The following SCAF4 variants were observed in gnomAD, a reference collection of about 807,000 sequenced individuals.
SCAF4 encodes SR-related CTD associated factor 4.
Under a neutral mutation model 129.8 loss-of-function variants are expected in SCAF4, and 25 were observed. The ratio of observed to expected loss-of-function variants is 0.19; its 90% CI spans 0.14 to 0.27. The LOEUF (loss-of-function observed/expected upper bound fraction) is 0.27. Ranked by LOEUF, SCAF4 falls within the 10% of genes least tolerant of loss-of-function variation. The pLI, the probability that SCAF4 is intolerant of heterozygous loss-of-function variation, is 1.00. For synonymous variants in SCAF4, 551 were observed against 497.7 expected, an observed-to-expected ratio of 1.11 and a Z score of -1.43; for missense variants, 1,246 against 1,457.1, an observed-to-expected ratio of 0.86 and a Z score of 2.36.
chr21:31,701,666 A>G (rs2050535194), intron 6 of SCAF4, 110 bp downstream of exon 6: 3 of 1,174,330 alleles, frequency 2.6e-6, no homozygotes, highest in Non-Finnish European at 1.2e-6. Flanking sequence ...CTAGTTGAAA[A>G]GCAGACGTAT....
rs748050902 is a variant in SCAF4, at chr21:31,694,261, T to C, written c.1265A>G (p.Gln422Arg). The change falls in exon 11 of 20, where the codon CAA becomes CGA. Residue 422 changes from glutamine (Q) to arginine (R), a missense_variant. By Grantham distance (43) the Gln-to-Arg change is conservative. Transcript: ENST00000286835. ...ATCAGACATATGTCGCTTAACCTCT[T>C]GAATACAAGGTTGTTCTACTTCCAT... ...QEMEVEQPCI[Q>R]EVKRHMSDNR... 1.2e-6 allele frequency: 2 copies of C among 1,607,526 alleles called. No individual in the cohort carries two copies. Among genetic ancestry groups the C allele is most frequent in the East Asian group, 2.2e-5 (1 of 44,726 alleles).
chr21:31,726,127 G>A (rs539190665), intron 1 of SCAF4, among the ~76,000 whole-genome samples: 2 of 151,336 alleles, frequency 1.3e-5, no homozygotes, highest in African/African-American at 4.9e-5. Context: ...CTCACTGCAA[G>A]CTCCGCCTCC....
At chr21:31,676,493 G>C (rs190751173) in intron 19 of SCAF4, among the ~76,000 whole-genome samples, 60 of 152,190 alleles carry the variant, frequency 3.9e-4, no homozygotes, top group Admixed American at 3.0e-3. Flanking sequence ...CAACTCTTCT[G>C]CCTAATCTCC....
chr21:31,706,547 C>T (rs2050668297), intron 1 of SCAF4, 190 bp from the exon 2 acceptor site: 6 of 556,620 alleles, frequency 1.1e-5, no homozygotes, highest in East Asian at 3.1e-5. Flanking sequence ...TCCCCACTGC[C>T]GTGATACCCA....
rs1165369054 is a variant in SCAF4, at chr21:31,717,870, C to CATAT, written c.31-11517_31-11514dup. Among the ~76,000 whole-genome samples the CATAT allele has an allele frequency of 4.3e-3, 537 of 124,810 alleles. 19 individuals are homozygous for CATAT. Among genetic ancestry groups the CATAT allele is most frequent in the African/African-American group, 0.017 (483 of 28,834 alleles). The allele number at this position is 124,810 out of a possible 152,430, so 81.9% of individuals were successfully genotyped here. A position where few individuals can be genotyped will look rare whatever the true frequency, so the allele number is the denominator to read the frequency against. On this transcript the variant is annotated intron_variant, in intron 1 of 19. Coordinates refer to ENST00000286835, the MANE Select transcript of SCAF4 (RefSeq NM_020706.2). ...ACACACACACACACACACACACACACATATACACATATATACACATATATA... is the reference window on the plus strand; with the variant it reads ...ACACACACACACACACACACACACACATATATATACACATATATACACATATATA...
Position 31,685,413 on chromosome 21 carries a change from TTGG to T in SCAF4, c.2278_2280del (p.Pro760del), listed in dbSNP as rs759777965. 3.1e-6 allele frequency: 5 copies of T among 1,611,842 alleles called. No individual in the cohort carries two copies. The Admixed American group carries it at 5.0e-5, about 16-fold the overall frequency. The stretch of plus-strand genomic sequence containing the variant: ...ACATGCTTACAGTTTGGGATGCTTA[TTGG>T]TGGAGTGTGAGGAGGAGGAATGGAT... On this transcript the variant is annotated inframe_deletion, in exon 18 of 20. Coordinates refer to ENST00000286835, the MANE Select transcript of SCAF4 (RefSeq NM_020706.2).
At chr21:31,706,878 C>A (rs377101066) in intron 1 of SCAF4, 1 of 305,744 alleles carries the variant, frequency 3.3e-6, no homozygotes, top group Non-Finnish European at 6.3e-6. Context: ...CAGTACATAC[C>A]ATGTCTTATC....
At chr21:31,688,205 T>C in intron 16 of SCAF4, 102 bp downstream of exon 16, 1 of 990,700 alleles carries the variant, frequency 1.0e-6, no homozygotes, top group Non-Finnish European at 1.5e-6. Context: ...CACATATATG[T>C]ACTCATGTTT....
intron 1 of SCAF4, 162 bp from the exon 2 acceptor site, chr21:31,706,519 G>C (rs920643062): frequency 8.3e-6 from 5 of 601,892 alleles, no homozygotes; most frequent in African/African-American, 7.5e-5. Context: ...TTGGTGGCCA[G>C]GCACCCAGCA....
At chr21:31,717,838 TATATACACACACACAC>T (rs1490428191) in intron 1 of SCAF4, among the ~76,000 whole-genome samples, 8 of 99,002 alleles carry the variant, frequency 8.1e-5, no homozygotes, top group East Asian at 5.1e-4. Flanking sequence ...TATATATATA[TATATACACACACACAC>T]ACACACACAC....
intron 1 of SCAF4, chr21:31,706,600 G>A (rs567532052): frequency 5.8e-5 from 28 of 479,724 alleles, no homozygotes; most frequent in East Asian, 1.8e-4. Flanking sequence ...AAGGGGTAGT[G>A]AAATGAAGGA....
In SCAF4 at chr21:31,692,427, C is replaced by A. The variant is rs762661183; in HGVS notation, c.1536G>T (p.Val512=). The A allele has an allele frequency of 3.2e-5, 51 of 1,613,718 alleles. No individual in the cohort carries two copies. The highest frequency in any genetic ancestry group is 3.7e-5 in the Non-Finnish European group (44 of 1,179,772). Residue 512 remains valine, a synonymous_variant, in exon 13 of 20, where the codon GTG becomes GTT. Transcript: ENST00000286835. ...TASVCSTTLW[V]GQLDKRTTQQ... ...GAGTAGTTCTTTTGTCCAGCTGCCC[C>A]ACCCAGAGGGTAGTACTGCAAACTT...
intron 15 of SCAF4, among the ~76,000 whole-genome samples, 200 bp from the exon 16 acceptor site, chr21:31,688,664 C>T (rs1372739827): frequency 6.6e-6 from 1 of 152,212 alleles, no homozygotes; most frequent in Non-Finnish European, 1.5e-5. Context: ...GGCACTGTCA[C>T]AAGCACTCTA....
intron 15 of SCAF4, among the ~76,000 whole-genome samples, chr21:31,689,235 A>G (rs2050200141): frequency 6.6e-6 from 1 of 152,054 alleles, no homozygotes; most frequent in Non-Finnish European, 1.5e-5. Flanking sequence ...ATGTGGGAAT[A>G]GTACAGCATT....
chr21:31,689,628 GTTCT>G (rs935061651), intron 15 of SCAF4, among the ~76,000 whole-genome samples: 4 of 150,402 alleles, frequency 2.7e-5, no homozygotes, highest in Non-Finnish European at 5.9e-5. Context: ...TCCTTTAAAT[GTTCT>G]TTCTGAGGGC....
intron 15 of SCAF4, 60 bp downstream of exon 15, chr21:31,690,737 T>C: frequency 6.8e-7 from 1 of 1,469,812 alleles, no homozygotes. Flanking sequence ...GACATTCGAT[T>C]TGTCATATGT....
intron 1 of SCAF4, among the ~76,000 whole-genome samples, chr21:31,717,071 T>C (rs1225382400): frequency 6.6e-6 from 1 of 152,184 alleles, no homozygotes; most frequent in Admixed American, 6.5e-5. Context: ...GGAGATAAAA[T>C]TCTTACATTA....
intron 19 of SCAF4, among the ~76,000 whole-genome samples, chr21:31,680,194 C>G (rs2049964717): frequency 6.6e-6 from 1 of 152,246 alleles, no homozygotes; most frequent in African/African-American, 2.4e-5. Flanking sequence ...AAGTGACAGC[C>G]CAGGAGAAAT....
intron 7 of SCAF4, among the ~76,000 whole-genome samples, chr21:31,699,503 T>C (rs998564357): frequency 9.1e-6 from 1 of 109,510 alleles, no homozygotes; most frequent in Non-Finnish European, 1.7e-5. Context: ...GTATTATTTG[T>C]TTTTTTTTTT....
Sources: allele counts gnomAD v4.1 joint callset (sites outside exome capture counted in the v4.1 genomes callset), GRCh38; gene constraint gnomAD v4.1.1; transcripts MANE v1.5; gene names NCBI Gene and HGNC (gene_info 2026-07-23, HGNC 2026-07-21).